EPCIP: variants seen among roughly 807,000 people sequenced by gnomAD.
EPCIP encodes the protein exosomal polycystin-1-interacting protein.
At chr21:32,796,034 C>T in the EPCIP span, among the ~76,000 whole-genome samples, 18 of 148,558 alleles carry the variant, frequency 1.2e-4, no homozygotes, top group Non-Finnish European at 2.2e-4. Flanking sequence ...CCTTCCTTCC[C>T]TCCTTCCTTC....
the EPCIP span, among the ~76,000 whole-genome samples, chr21:32,809,182 CGT>C: frequency 0.11 from 13,456 of 121,034 alleles, 913 homozygotes; most frequent in South Asian, 0.17. Context: ...TCGAGGGGTG[CGT>C]GTGTGTGTGT....
chr21:32,799,449 C>G, the EPCIP span, among the ~76,000 whole-genome samples: 1 of 152,186 alleles, frequency 6.6e-6, no homozygotes, highest in East Asian at 1.9e-4. Flanking sequence ...GCCCTGCTTA[C>G]CTCTCCAAGT....
At chr21:32,813,418 AG>A in the EPCIP span, among the ~76,000 whole-genome samples, 1 of 152,218 alleles carries the variant, frequency 6.6e-6, no homozygotes, top group Non-Finnish European at 1.5e-5. Context: ...TCATAGTGAA[AG>A]CCACTCATAC....
the EPCIP span, among the ~76,000 whole-genome samples, chr21:32,813,163 C>G: frequency 6.6e-6 from 1 of 152,012 alleles, no homozygotes; most frequent in Non-Finnish European, 1.5e-5. Context: ...AAAGAGATAT[C>G]ATATCTCTTT....
the EPCIP span, among the ~76,000 whole-genome samples, chr21:32,809,065 C>G: frequency 1.3e-5 from 2 of 151,434 alleles, no homozygotes; most frequent in African/African-American, 4.9e-5. Flanking sequence ...TTTTTAATGA[C>G]CCAGAGACCA....
the EPCIP span, chr21:32,797,340 C>A: frequency 4.8e-6 from 1 of 209,978 alleles, no homozygotes; most frequent in Non-Finnish European, 9.8e-6. Context: ...GCTCTGCCTC[C>A]CAGGTTCCAA....
the EPCIP span, among the ~76,000 whole-genome samples, chr21:32,809,288 CTTTCTTTCTTTCTTTCTTTCTTT>C: frequency 3.4e-5 from 4 of 116,774 alleles, no homozygotes; most frequent in East Asian, 5.2e-4. Context: ...TCCTTTCTTT[CTTTCTTTCTTTCTTTCTTTCTTT>C]CTTTCTTTCT....
At chr21:32,797,175 T>C in the EPCIP span, 2 of 322,656 alleles carry the variant, frequency 6.2e-6, no homozygotes, top group South Asian at 5.3e-5. Flanking sequence ...GGGCACCAAG[T>C]GGGGCAAATA....
chr21:32,811,738 C>T, the EPCIP span, among the ~76,000 whole-genome samples: 1 of 152,182 alleles, frequency 6.6e-6, no homozygotes, highest in African/African-American at 2.4e-5. Context: ...AACTTAATCC[C>T]CAGTGCAACA....
the EPCIP span, among the ~76,000 whole-genome samples, chr21:32,806,599 A>AG: frequency 6.6e-6 from 1 of 152,236 alleles, no homozygotes; most frequent in Non-Finnish European, 1.5e-5. Context: ...TGGTGAAGCC[A>AG]GGAGCTCTTC....
chr21:32,808,478 A>G, the EPCIP span, among the ~76,000 whole-genome samples: 1 of 152,214 alleles, frequency 6.6e-6, no homozygotes, highest in South Asian at 2.1e-4. Context: ...TTCAAGCTAT[A>G]GTTCCGACCA....
the EPCIP span, among the ~76,000 whole-genome samples, chr21:32,792,743 T>C: frequency 2.0e-5 from 3 of 152,150 alleles, no homozygotes; most frequent in Non-Finnish European, 4.4e-5. Flanking sequence ...TGCATCCCTC[T>C]CTCTGGAACA....
At chr21:32,804,356 G>C in the EPCIP span, among the ~76,000 whole-genome samples, 1 of 150,940 alleles carries the variant, frequency 6.6e-6, no homozygotes, top group Non-Finnish European at 1.5e-5. Context: ...ATGTCATCCA[G>C]GCTGGTCTTA....
the EPCIP span, among the ~76,000 whole-genome samples, chr21:32,810,156 A>C: frequency 6.7e-5 from 10 of 149,584 alleles, no homozygotes; most frequent in South Asian, 2.1e-4. Context: ...TTGAGTGAAT[A>C]GTTTTCTGTT....
the EPCIP span, chr21:32,797,051 C>T: frequency 1.5e-5 from 7 of 469,652 alleles, no homozygotes; most frequent in Admixed American, 1.6e-4. Context: ...TTGTGAGCAA[C>T]TTCCCGACAG....
At chr21:32,809,276 C>T in the EPCIP span, among the ~76,000 whole-genome samples, 7 of 97,888 alleles carry the variant, frequency 7.2e-5, no homozygotes, top group Non-Finnish European at 4.2e-5. Flanking sequence ...TCCCTCCCTC[C>T]TTCCTTTCTT....
At chr21:32,802,586 G>A in the EPCIP span, among the ~76,000 whole-genome samples, 2 of 152,194 alleles carry the variant, frequency 1.3e-5, no homozygotes, top group Non-Finnish European at 2.9e-5. Context: ...CTCTCCATTT[G>A]TTGACTCCTT....
chr21:32,791,760 G>A, the EPCIP span, among the ~76,000 whole-genome samples: 1 of 151,618 alleles, frequency 6.6e-6, no homozygotes, highest in African/African-American at 2.4e-5. Context: ...TGATGTATGT[G>A]ATCTAAAGTC....
At chr21:32,808,388 G>T in the EPCIP span, among the ~76,000 whole-genome samples, 1 of 151,850 alleles carries the variant, frequency 6.6e-6, no homozygotes, top group Non-Finnish European at 1.5e-5. Flanking sequence ...CTTAACAGTC[G>T]TGCCCTTCTT....
Sources: gnomAD v4.1 joint callset for allele counts (sites outside exome capture counted in the v4.1 genomes callset) on GRCh38, gnomAD v4.1.1 for gene constraint, MANE v1.5 for transcripts, NCBI Gene and HGNC (gene_info 2026-07-23, HGNC 2026-07-21) for gene names.